Variants in TMPRSS12 observed in about 807,000 individuals in gnomAD.
TMPRSS12 encodes transmembrane serine protease 12, also known as transmembrane protease serine 12.
Under a neutral mutation model 26.0 loss-of-function variants are expected in TMPRSS12, and 25 were observed. That is an observed-to-expected ratio of 0.96 (90% confidence interval 0.70 to 1.34). The LOEUF is 1.34. Ranked by LOEUF, TMPRSS12 falls within the 40% of genes most tolerant of loss-of-function variation. The pLI is 0.00. For missense variants in TMPRSS12, 441 were observed against 440.1 expected (o/e 1.00, Z -0.02); for synonymous variants, 150 against 161.7 (o/e 0.93, Z 0.55).
intron 2 of TMPRSS12, among the ~76,000 whole-genome samples, chr12:50,844,608 C>CA (rs963576154): frequency 3.3e-5 from 5 of 152,248 alleles, no homozygotes; most frequent in African/African-American, 1.2e-4. Flanking sequence ...CTCTTAACCT[C>CA]ACGTGATCTG....
rs377446769 is a variant in TMPRSS12 at position 50,858,835 on chromosome 12, G to A, written c.434G>A (p.Arg145His). The A allele has an allele frequency of 5.6e-6, 9 of 1,608,832 alleles. No homozygotes were observed. The highest frequency in any genetic ancestry group is 2.7e-5 in the African/African-American group (2 of 74,770). Residue 145 changes from arginine (R) to histidine (H), a missense_variant, in exon 3 of 5, where the codon CGC becomes CAC. Arg to His is a conservative substitution (Grantham distance 29). Transcript: ENST00000398458. ...ATTGGAACTAATAATATACATGGAC[G>A]CTATCCTCATACCAAGAAGATAAAA... ...AVIGTNNIHG[R>H]YPHTKKIKIK...
intron 2 of TMPRSS12, among the ~76,000 whole-genome samples, chr12:50,849,415 C>T (rs912227629): frequency 8.5e-5 from 13 of 152,140 alleles, no homozygotes; most frequent in African/African-American, 2.9e-4. Flanking sequence ...CAGTAAAATT[C>T]ACCTTTTAAA....
At position 50,887,441 on chromosome 12, in the gene TMPRSS12, A is replaced by G. The variant is rs758248457; in HGVS notation, c.975A>G (p.Ile325Met). 1 of 1,613,938 alleles carries G rather than the reference A, an allele frequency of 6.2e-7. No individual in the cohort carries two copies. Residue 325 changes from isoleucine to methionine, a missense_variant, in exon 5 of 5, where the codon ATA (isoleucine) becomes ATG (methionine). Ile to Met is a conservative substitution (Grantham distance 10). Transcript: ENST00000398458. ...EHFFHASTQG[I>M]LTINILRGQI... The stretch of plus-strand genomic sequence containing the variant: ...TCTTCCATGCAAGCACTCAAGGCAT[A>G]CTTACTATAAATATTTTACGTGGCC...
chr12:50,853,833 T>TA (rs1043907031), intron 2 of TMPRSS12, among the ~76,000 whole-genome samples: 21 of 151,610 alleles, frequency 1.4e-4, no homozygotes, highest in African/African-American at 4.6e-4. Flanking sequence ...AAATCAGTAA[T>TA]AAAAAAAGTA....
At chr12:50,854,317 T>C (rs1228456563) in intron 2 of TMPRSS12, among the ~76,000 whole-genome samples, 1 of 152,104 alleles carries the variant, frequency 6.6e-6, no homozygotes, top group African/African-American at 2.4e-5. Flanking sequence ...TACCTCAAAA[T>C]AATAAGAGCC....
chr12:50,881,977 A>T (rs1592225514), intron 3 of TMPRSS12, among the ~76,000 whole-genome samples: 2 of 53,942 alleles, frequency 3.7e-5, no homozygotes, highest in African/African-American at 9.0e-5. Flanking sequence ...AAAAAAAAAA[A>T]AAAAAAAAAA....
chr12:50,853,880 G>C (rs182082859), intron 2 of TMPRSS12, among the ~76,000 whole-genome samples: 158 of 152,196 alleles, frequency 1.0e-3, no homozygotes, highest in African/African-American at 3.8e-3. Flanking sequence ...AGGATTCACA[G>C]TCAAATTCTA....
intron 3 of TMPRSS12, among the ~76,000 whole-genome samples, chr12:50,875,265 G>A (rs995346719): frequency 4.0e-5 from 6 of 151,888 alleles, no homozygotes; most frequent in Admixed American, 6.6e-5. Context: ...CAAGGTGGGC[G>A]GATCACTTGT....
chr12:50,844,023 C>T lies in TMPRSS12; in HGVS notation c.369C>T (p.Cys123=). 1 of 1,581,380 alleles carries T rather than the reference C, an allele frequency of 6.3e-7. No homozygotes were observed. Among genetic ancestry groups the T allele is most frequent in the Non-Finnish European group, 8.6e-7 (1 of 1,166,406 alleles). ...GGTGGGTCCTCACAGCTGCCCACTG[C>T]ACTAAAGACGCTAGGTACGTATTCA... ...RERWVLTAAH[C]TKDASDPLMW... Residue 123 remains cysteine, a synonymous_variant, in exon 2 of 5, where the codon TGC becomes TGT. Coordinates refer to ENST00000398458, the MANE Select transcript of TMPRSS12 (RefSeq NM_182559.3).
chr12:50,862,678 A>G (rs902558494), intron 3 of TMPRSS12, among the ~76,000 whole-genome samples: 7 of 152,186 alleles, frequency 4.6e-5, no homozygotes, highest in South Asian at 2.1e-4. Flanking sequence ...GAGGTGTACC[A>G]CCACGCCCAG....
chr12:50,873,235 G>A (rs1330129089), intron 3 of TMPRSS12, among the ~76,000 whole-genome samples: 1 of 152,030 alleles, frequency 6.6e-6, no homozygotes, highest in African/African-American at 2.4e-5. Flanking sequence ...ATAGGGTGCA[G>A]TGTATACTTC....
intron 2 of TMPRSS12, among the ~76,000 whole-genome samples, chr12:50,857,801 T>TCG (rs1256643180): frequency 6.7e-6 from 1 of 148,590 alleles, no homozygotes; most frequent in Non-Finnish European, 1.5e-5. Context: ...GTTGTTGTTG[T>TCG]TGTTGTCGTT....
chr12:50,872,142 G>A lies in TMPRSS12; in HGVS notation c.652+13089G>A, dbSNP rs532008341. 3.9e-3 allele frequency among the ~76,000 whole-genome samples: 599 copies of A among 152,238 alleles called. 3 individuals carry two copies. Among genetic ancestry groups the A allele is most frequent in the African/African-American group, 9.8e-3 (407 of 41,550 alleles). On this transcript the variant is annotated intron_variant, in intron 3 of 4. Transcript: ENST00000398458. ...TTATTCAAAAAAGAAACTTGCACAC[G>A]CGTGTTTATAGCAGCACAATTCGCA...
intron 3 of TMPRSS12, among the ~76,000 whole-genome samples, chr12:50,859,493 G>A (rs1446169763): frequency 6.6e-6 from 1 of 152,130 alleles, no homozygotes; most frequent in Non-Finnish European, 1.5e-5. Context: ...TGGGATTACA[G>A]GCATGAGCCA....
intron 3 of TMPRSS12, among the ~76,000 whole-genome samples, chr12:50,863,697 T>C (rs1363024648): frequency 2.0e-5 from 3 of 152,170 alleles, no homozygotes; most frequent in African/African-American, 7.2e-5. Flanking sequence ...TCCAAGTATA[T>C]AACAATGAAA....
In TMPRSS12 at chr12:50,887,173, T is replaced by C; in HGVS notation, c.796-89T>C. Reference sequence around the variant, plus strand: ...TTGAAAATGTGTATTTATATAAATGTATGTTTGATGTAAATAATTTATTCC... The same window carrying C: ...TTGAAAATGTGTATTTATATAAATGCATGTTTGATGTAAATAATTTATTCC... On this transcript the variant is annotated intron_variant, in intron 4 of 4. Coordinates refer to ENST00000398458, the MANE Select transcript of TMPRSS12 (RefSeq NM_182559.3). The C allele has an allele frequency of 2.3e-6, 3 of 1,283,784 alleles. No homozygotes were observed. The African/African-American group carries it at 4.5e-5, about 19-fold the overall frequency. 79.5% of individuals were successfully genotyped at this position (1,283,784 alleles called of 1,614,324 possible).
intron 2 of TMPRSS12, among the ~76,000 whole-genome samples, chr12:50,858,375 T>C (rs1937901504): frequency 6.6e-6 from 1 of 152,234 alleles, no homozygotes; most frequent in African/African-American, 2.4e-5. Context: ...CTCTAAAAGA[T>C]GGGAACTCTT....
At position 50,883,897 on chromosome 12, in the gene TMPRSS12, G is replaced by C. The variant is rs77580051; in HGVS notation, c.653-1349G>C. On this transcript the variant is annotated intron_variant, in intron 3 of 4. Coordinates refer to ENST00000398458, the MANE Select transcript of TMPRSS12 (RefSeq NM_182559.3). ...CATGCCCATAGTCCCAGGCACTCGG[G>C]AGGTTGAGGTGGGAGGATTGCTTGA... Among the ~76,000 whole-genome samples, 247 of 152,262 alleles carry C rather than the reference G, an allele frequency of 1.6e-3. 2 individuals carry two copies. Among genetic ancestry groups the C allele is most frequent in the African/African-American group, 5.2e-3 (217 of 41,552 alleles).
At chr12:50,878,434 C>CAGGTGTGG (rs1938133560) in intron 3 of TMPRSS12, among the ~76,000 whole-genome samples, 1 of 147,372 alleles carries the variant, frequency 6.8e-6, no homozygotes, top group East Asian at 2.0e-4. Flanking sequence ...TAAAAAAAAA[C>CAGGTGTGG]AGGTGTGGTG....
Sources: allele counts gnomAD v4.1 joint callset (sites outside exome capture counted in the v4.1 genomes callset), GRCh38; gene constraint gnomAD v4.1.1; transcripts MANE v1.5; gene names NCBI Gene and HGNC (gene_info 2026-07-23, HGNC 2026-07-21).